Variants in JADE3 observed in about 807,000 individuals in gnomAD.
JADE3 encodes protein Jade-3.
JADE3 carries 2 observed loss-of-function variants against 50.1 expected under a neutral mutation model. The ratio of observed to expected loss-of-function variants is 0.04; its 90% CI spans 0.02 to 0.13. The LOEUF (loss-of-function observed/expected upper bound fraction) is 0.13, where lower values mean the gene tolerates loss of function less well. Ranked by LOEUF, JADE3 falls within the 10% of genes least tolerant of loss-of-function variation. The pLI is 1.00. For missense variants in JADE3, 475 were observed against 634.4 expected (o/e 0.75, Z 2.70); for synonymous variants, 218 against 232.9 (o/e 0.94, Z 0.58).
intron 1 of JADE3, among the ~76,000 whole-genome samples, chrX:46,971,657 G>C (rs1208046429): frequency 1.9e-5 from 2 of 107,230 alleles, no homozygotes; most frequent in African/African-American, 6.8e-5. Flanking sequence ...TTAGCCGGGC[G>C]TGGTGGCGGG....
At chrX:47,055,067 G>C (rs1013682427) in intron 9 of JADE3, among the ~76,000 whole-genome samples, 4 of 110,298 alleles carry the variant, frequency 3.6e-5, no homozygotes, top group Non-Finnish European at 7.6e-5. Flanking sequence ...TTGTTGTAGG[G>C]GCAATTTAAG....
At chrX:46,929,687 C>A (rs1926451058) in intron 1 of JADE3, among the ~76,000 whole-genome samples, 1 of 111,951 alleles carries the variant, frequency 8.9e-6, no homozygotes, top group African/African-American at 3.2e-5. Context: ...CATTCAAGGT[C>A]CCCCATACCC....
At chrX:47,027,676 T>C in intron 5 of JADE3, among the ~76,000 whole-genome samples, 1 of 112,303 alleles carries the variant, frequency 8.9e-6, no homozygotes. Context: ...TGGTGAAATA[T>C]ACATCTCCTT....
intron 8 of JADE3, among the ~76,000 whole-genome samples, chrX:47,043,595 G>A (rs1929311060): frequency 9.0e-6 from 1 of 111,379 alleles, no homozygotes; most frequent in Non-Finnish European, 1.9e-5. Flanking sequence ...CAAGGCGGGT[G>A]GATCGCAAGG....
chrX:46,925,327 G>C (rs1269637808), intron 1 of JADE3, among the ~76,000 whole-genome samples: 1 of 112,099 alleles, frequency 8.9e-6, no homozygotes, highest in Non-Finnish European at 1.9e-5. Flanking sequence ...ATTTTTAAGG[G>C]AATAAGCTCT....
At chrX:47,012,123 C>A (rs930442701) in intron 4 of JADE3, among the ~76,000 whole-genome samples, 7 of 111,953 alleles carry the variant, frequency 6.3e-5, no homozygotes, top group Admixed American at 2.9e-4. Flanking sequence ...TTATTCAGAT[C>A]CTTAACTCAA....
In JADE3 at chrX:47,058,358, T is replaced by C. The variant is rs143159816; in HGVS notation, c.1753T>C (p.Ser585Pro). The C allele has an allele frequency of 2.5e-6, 3 of 1,207,067 alleles. No homozygotes were observed. In the African/African-American group the frequency reaches 5.3e-5, roughly 21 times the overall value. Residue 585 changes from serine to proline, a missense_variant, in exon 11 of 11, where the codon TCA (serine) becomes CCA (proline). Physicochemically the swap from Ser to Pro is moderately conservative, Grantham distance 74 (BLOSUM62 -1). This residue lies in a region of JADE3 where 243 missense variants were observed against 238.2 expected (regional missense o/e 1.02). Transcript: ENST00000614628. ...SIRNMQVPQESLEMRTKSYPR... is the reference protein window; with the variant it reads ...SIRNMQVPQEPLEMRTKSYPR... ...AAGGAACATGCAGGTGCCTCAGGAGTCACTAGAAATGAGAACAAAATCGTA... is the reference window on the plus strand; with the variant it reads ...AAGGAACATGCAGGTGCCTCAGGAGCCACTAGAAATGAGAACAAAATCGTA...
chrX:46,917,799 GTCTC>G (rs57067547), intron 1 of JADE3, among the ~76,000 whole-genome samples: 2 of 62,476 alleles, frequency 3.2e-5, no homozygotes, highest in Non-Finnish European at 5.6e-5. Context: ...TGGGAGGTCT[GTCTC>G]TCTCTCTCTC....
chrX:46,964,539 C>G (rs1927330691), intron 1 of JADE3, among the ~76,000 whole-genome samples: 1 of 111,855 alleles, frequency 8.9e-6, no homozygotes, highest in South Asian at 3.8e-4. Flanking sequence ...TCCAGATGAT[C>G]CAGCTGTTTG....
At chrX:46,955,064 A>G (rs1441335949) in intron 1 of JADE3, among the ~76,000 whole-genome samples, 2 of 112,525 alleles carry the variant, frequency 1.8e-5, no homozygotes, top group African/African-American at 6.5e-5. Context: ...ACTCCTATTG[A>G]AATCCCTTAT....
chrX:46,948,737 C>G, intron 1 of JADE3, among the ~76,000 whole-genome samples: 1 of 111,278 alleles, frequency 9.0e-6, no homozygotes, highest in Non-Finnish European at 1.9e-5. Context: ...TCAAAGTGAA[C>G]TTACACATTC....
intron 1 of JADE3, among the ~76,000 whole-genome samples, chrX:46,923,792 T>C (rs1926297029): frequency 9.0e-6 from 1 of 111,263 alleles, no homozygotes; most frequent in African/African-American, 3.3e-5. Flanking sequence ...TACTTTGTGC[T>C]GCTTCCCAAG....
rs920350820 is a variant in JADE3 at position 46,944,953 on chromosome X, C to T, written c.-12+32234C>T. On this transcript the variant is annotated intron_variant, in intron 1 of 10. Coordinates refer to ENST00000614628, the MANE Select transcript of JADE3 (RefSeq NM_014735.5). Reference sequence around the variant, plus strand: ...CGACCTCCTGGGCTCAAGCAATCCTCCCACTTCAGCCTCCCAAGTAGCTGA... The same window carrying T: ...CGACCTCCTGGGCTCAAGCAATCCTTCCACTTCAGCCTCCCAAGTAGCTGA... Among the ~76,000 whole-genome samples the T allele has an allele frequency of 5.5e-5, 6 of 109,727 alleles. No individual in the cohort carries two copies. In the South Asian group the frequency reaches 1.6e-3, roughly 29 times the overall value.
chrX:47,053,485 C>T (rs1274625276), intron 8 of JADE3, among the ~76,000 whole-genome samples: 1 of 111,219 alleles, frequency 9.0e-6, no homozygotes, highest in Non-Finnish European at 1.9e-5. Context: ...TCTCGAACTC[C>T]TGGCCTCAAG....
chrX:46,934,095 G>A (rs924028575), intron 1 of JADE3, among the ~76,000 whole-genome samples: 2 of 111,248 alleles, frequency 1.8e-5, no homozygotes, highest in Admixed American at 9.6e-5. Flanking sequence ...ATGTAACTTG[G>A]CTTTTCATTG....
chrX:47,012,483 A>G (rs1380405213), intron 4 of JADE3, among the ~76,000 whole-genome samples: 5 of 111,031 alleles, frequency 4.5e-5, no homozygotes, highest in Non-Finnish European at 9.4e-5. Context: ...CAAGAGACTT[A>G]CGTGGAAGGA....
At position 47,021,360 on chromosome X, in the gene JADE3, A is replaced by G. The variant is rs782498108; in HGVS notation, c.285-3364A>G. On this transcript the variant is annotated intron_variant, in intron 4 of 10. Coordinates refer to ENST00000614628, the MANE Select transcript of JADE3 (RefSeq NM_014735.5). Reference sequence around the variant, plus strand: ...ACATTTTTTATTCTGCTCTTGATATATATTTGGGTTGTTTCCAGTTTTTAC... The same window carrying G: ...ACATTTTTTATTCTGCTCTTGATATGTATTTGGGTTGTTTCCAGTTTTTAC... Among the ~76,000 whole-genome samples the G allele has an allele frequency of 8.1e-5, 9 of 111,432 alleles. No homozygotes were observed. In the South Asian group the frequency reaches 1.1e-3, roughly 14 times the overall value.
intron 1 of JADE3, among the ~76,000 whole-genome samples, chrX:46,935,282 A>C (rs1156806217): frequency 8.9e-6 from 1 of 112,055 alleles, no homozygotes; most frequent in African/African-American, 3.3e-5. Flanking sequence ...CTTGATTACT[A>C]TAGCTTTATA....
At chrX:46,921,358 C>T (rs977005501) in intron 1 of JADE3, among the ~76,000 whole-genome samples, 8 of 112,830 alleles carry the variant, frequency 7.1e-5, no homozygotes. Context: ...GAATTACAGG[C>T]GTCAGCCACT....
Sources: allele counts gnomAD v4.1 joint callset (sites outside exome capture counted in the v4.1 genomes callset), GRCh38; gene constraint gnomAD v4.1.1; regional missense constraint gnomAD v4.1.1; transcripts MANE v1.5; gene names NCBI Gene and HGNC (gene_info 2026-07-23, HGNC 2026-07-21).